The following PRKD3 variants were observed in gnomAD, a reference collection of about 807,000 sequenced individuals.
PRKD3 encodes the protein protein kinase D3, also known as serine/threonine-protein kinase D3.
A neutral mutation model predicts 99.2 loss-of-function variants in PRKD3; 47 were observed. The observed-to-expected ratio is 0.47, with a 90% confidence interval of 0.38 to 0.60. The LOEUF is 0.60. PRKD3 is among the 20% of genes least tolerant of loss of function. The pLI is 0.00. For missense variants in PRKD3, 1,019 were observed against 1,088.4 expected (o/e 0.94, Z 0.90); for synonymous variants, 392 against 355.4 (o/e 1.10, Z -1.16).
intron 2 of PRKD3, among the ~76,000 whole-genome samples, chr2:37,313,505 T>C (rs1055067695): frequency 2.0e-5 from 3 of 152,116 alleles, no homozygotes; most frequent in Admixed American, 1.3e-4. Context: ...CAGTATTAAA[T>C]AGAAATGGCC....
rs891365449 is a variant in PRKD3, at chr2:37,316,888, A to G, written c.-364T>C. The G allele has an allele frequency of 4.9e-6, 5 of 1,018,790 alleles. No individual in the cohort carries two copies. The highest frequency in any genetic ancestry group is 1.2e-6 in the Non-Finnish European group (1 of 851,780). 63.1% of individuals were successfully genotyped at this position (1,018,790 alleles called of 1,614,324 possible). A position where few individuals can be genotyped will look rare whatever the true frequency, so the allele number is the denominator to read the frequency against. ...GTACTTGTCTCTTTAATTTCAGGAAATACATATTGAATAAAAGTTGTTTTT... is the reference window on the plus strand; with the variant it reads ...GTACTTGTCTCTTTAATTTCAGGAAGTACATATTGAATAAAAGTTGTTTTT... On this transcript the variant is annotated 5_prime_UTR_variant, in exon 2 of 19. Coordinates refer to ENST00000234179, the MANE Select transcript of PRKD3 (RefSeq NM_005813.6).
chr2:37,274,775 T>C (rs1572647724), intron 10 of PRKD3, 78 bp from the exon 11 acceptor site: 1 of 1,359,770 alleles, frequency 7.4e-7, no homozygotes, highest in Non-Finnish European at 1.0e-6. Flanking sequence ...GAACCAGAGA[T>C]ATGCATTTCA....
intron 17 of PRKD3, among the ~76,000 whole-genome samples, chr2:37,255,094 A>G (rs747435280): frequency 1.2e-4 from 18 of 152,350 alleles, no homozygotes; most frequent in Non-Finnish European, 2.5e-4. Context: ...CTACCAAACT[A>G]GCAAAGTGAT....
At chr2:37,302,578 A>G (rs534851524) in intron 2 of PRKD3, among the ~76,000 whole-genome samples, 25 of 152,364 alleles carry the variant, frequency 1.6e-4, no homozygotes, top group African/African-American at 5.8e-4. Flanking sequence ...TTTCAAGTTC[A>G]TGTCGTTAAA....
intron 5 of PRKD3, 151 bp downstream of exon 5, chr2:37,289,205 T>C: frequency 2.2e-6 from 2 of 911,486 alleles, no homozygotes; most frequent in East Asian, 5.4e-5. Flanking sequence ...TACCGGTAAG[T>C]CCTGTCTCCA....
intron 17 of PRKD3, among the ~76,000 whole-genome samples, chr2:37,254,958 A>G (rs761032173): frequency 1.3e-5 from 2 of 152,242 alleles, no homozygotes; most frequent in African/African-American, 2.4e-5. Flanking sequence ...AAGGCAACCA[A>G]TAACTACATA....
chr2:37,318,208 G>A (rs902386025), intron 1 of PRKD3, among the ~76,000 whole-genome samples: 3 of 152,068 alleles, frequency 2.0e-5, no homozygotes, highest in Non-Finnish European at 2.9e-5. Flanking sequence ...TTAGGAATGG[G>A]AAAGCTCAGG....
rs116967964 is a variant in PRKD3 at position 37,283,311 on chromosome 2, G to T, written c.911-692C>A. Reference sequence around the variant, plus strand: ...ACTCTTAGCGGGTGGGGAGGGTAGGGCTGAGCTCTGTAAGTCATACTGAAG... The same window carrying T: ...ACTCTTAGCGGGTGGGGAGGGTAGGTCTGAGCTCTGTAAGTCATACTGAAG... On this transcript the variant is annotated intron_variant, in intron 6 of 18. Coordinates refer to ENST00000234179, the MANE Select transcript of PRKD3 (RefSeq NM_005813.6). Among the ~76,000 whole-genome samples the T allele has an allele frequency of 1.4e-3, 209 of 151,864 alleles. 3 individuals carry two copies. The East Asian group carries it at 0.036, about 26-fold the overall frequency.
intron 2 of PRKD3, among the ~76,000 whole-genome samples, chr2:37,299,511 TACAC>T (rs70949749): frequency 0.12 from 15,208 of 132,176 alleles, 1,025 homozygotes; most frequent in East Asian, 0.24. Flanking sequence ...TCTACTAAAA[TACAC>T]ACACACACAC....
At chr2:37,265,557 T>C (rs542693363) in intron 14 of PRKD3, among the ~76,000 whole-genome samples, 1 of 152,132 alleles carries the variant, frequency 6.6e-6, no homozygotes, top group East Asian at 1.9e-4. Context: ...AGAAAGTGCA[T>C]ATGGTTTGCA....
At chr2:37,255,774 G>A (rs1451529475) in intron 17 of PRKD3, among the ~76,000 whole-genome samples, 1 of 152,214 alleles carries the variant, frequency 6.6e-6, no homozygotes, top group East Asian at 1.9e-4. Flanking sequence ...GGGAGGTCAA[G>A]TTGGGAAGAT....
intron 1 of PRKD3, among the ~76,000 whole-genome samples, chr2:37,323,947 CGTAT>C (rs1671992657): frequency 6.6e-6 from 1 of 152,080 alleles, no homozygotes; most frequent in Non-Finnish European, 1.5e-5. Flanking sequence ...TCGCTTGAAT[CGTAT>C]GTGTGCCTGC....
At chr2:37,301,900 C>A (rs1047956271) in intron 2 of PRKD3, among the ~76,000 whole-genome samples, 1 of 152,164 alleles carries the variant, frequency 6.6e-6, no homozygotes, top group Non-Finnish European at 1.5e-5. Flanking sequence ...ATGACAATGT[C>A]CTGAGACATC....
chr2:37,290,842 G>A, intron 4 of PRKD3, 26 bp downstream of exon 4: 1 of 1,552,388 alleles, frequency 6.4e-7, no homozygotes, highest in Non-Finnish European at 8.7e-7. Context: ...TATTTCAAAT[G>A]ACCACAAAAA....
chr2:37,305,087 T>G (rs914530386), intron 2 of PRKD3, among the ~76,000 whole-genome samples: 1 of 152,022 alleles, frequency 6.6e-6, no homozygotes, highest in Non-Finnish European at 1.5e-5. Context: ...AACACAGCTG[T>G]AGTAGAAAGA....
intron 1 of PRKD3, among the ~76,000 whole-genome samples, chr2:37,318,965 T>C (rs1007716158): frequency 2.0e-5 from 3 of 152,152 alleles, no homozygotes; most frequent in African/African-American, 4.8e-5. Context: ...TAATGATCAC[T>C]AGAAGTCAAC....
chr2:37,277,785 A>G, intron 9 of PRKD3, 81 bp downstream of exon 9: 1 of 1,450,446 alleles, frequency 6.9e-7, no homozygotes, highest in Non-Finnish European at 9.4e-7. Flanking sequence ...GTATCTCATC[A>G]TCATTTTGAT....
At chr2:37,277,075 T>C (rs1365980002) in intron 9 of PRKD3, among the ~76,000 whole-genome samples, 1 of 152,126 alleles carries the variant, frequency 6.6e-6, no homozygotes, top group Admixed American at 6.5e-5. Context: ...GCCAGCTAAA[T>C]GTATTGGGTA....
chr2:37,279,739 A>C lies in PRKD3; in HGVS notation c.1172+7T>G, dbSNP rs1365630124. On this transcript the variant is annotated splice_region_variant and intron_variant, in intron 8 of 18. Coordinates refer to ENST00000234179, the MANE Select transcript of PRKD3 (RefSeq NM_005813.6). ...TGGAAGTAGCTTGTAATATGTATAT[A>C]TATTACCTGATTGTTTTAACGGCTT... 1 of 1,610,632 alleles carries C rather than the reference A, an allele frequency of 6.2e-7. No homozygotes were observed. Among genetic ancestry groups the C allele is most frequent in the East Asian group, 2.2e-5 (1 of 44,760 alleles).
Sources: gnomAD v4.1 joint callset for allele counts (sites outside exome capture counted in the v4.1 genomes callset) on GRCh38, gnomAD v4.1.1 for gene constraint, MANE v1.5 for transcripts, NCBI Gene and HGNC (gene_info 2026-07-23, HGNC 2026-07-21) for gene names.